The following EDN3 variants were observed in gnomAD, a reference collection of about 807,000 sequenced individuals.
EDN3 encodes the protein endothelin 3.
A neutral mutation model predicts 21.4 loss-of-function variants in EDN3; 9 were observed. The observed-to-expected ratio is 0.42, with a 90% CI of 0.25 to 0.73. The LOEUF (loss-of-function observed/expected upper bound fraction) is 0.73, where lower values mean the gene tolerates loss of function less well. Among genes scored for constraint, EDN3 ranks in the 30% least tolerant of loss-of-function variants. The pLI is 0.26. For synonymous variants in EDN3, 133 were observed against 126.2 expected (o/e 1.05, Z -0.36); for missense variants, 327 against 309.4 (o/e 1.06, Z -0.43).
intron 4 of EDN3, among the ~76,000 whole-genome samples, chr20:59,323,180 T>C (rs1212089275): frequency 6.6e-6 from 1 of 152,102 alleles, no homozygotes; most frequent in African/African-American, 2.4e-5. Flanking sequence ...GCAGATCGCT[T>C]CTAGTCTAGT....
chr20:59,306,990 C>CA (rs1989476691), intron 2 of EDN3, among the ~76,000 whole-genome samples: 1 of 152,088 alleles, frequency 6.6e-6, no homozygotes, highest in Non-Finnish European at 1.5e-5. Flanking sequence ...ACTAAAAATA[C>CA]AAAAAATAGC....
chr20:59,313,651 C>T (rs1466769000), intron 2 of EDN3, among the ~76,000 whole-genome samples: 2 of 152,216 alleles, frequency 1.3e-5, no homozygotes, highest in Non-Finnish European at 2.9e-5. Flanking sequence ...GGGAGATGGA[C>T]TTCCCACCTT....
rs1334873340 is a variant in EDN3, at chr20:59,322,305, T to C, written c.543-67T>C. ...TTGGTGGGGAAGAGGAAGTCATAAT[T>C]TGACACCGAAAAACCAGCCACAGGG... is the stretch of plus-strand genomic sequence containing the variant. On this transcript the variant is annotated intron_variant, in intron 3 of 4. Transcript: ENST00000337938. The surrounding 1 kb of genome is among the most constrained non-coding windows in gnomAD (Gnocchi z 4.1). The C allele has an allele frequency of 1.9e-6, 3 of 1,583,038 alleles. No homozygotes were observed. Among genetic ancestry groups the C allele is most frequent in the Admixed American group, 1.7e-5 (1 of 59,924 alleles).
intron 2 of EDN3, among the ~76,000 whole-genome samples, chr20:59,312,661 T>C (rs950980552): frequency 6.6e-6 from 1 of 152,212 alleles, no homozygotes; most frequent in African/African-American, 2.4e-5. Flanking sequence ...TGGGAACCAC[T>C]TATCTTGGGT....
chr20:59,324,872 G>A lies in EDN3; in HGVS notation c.*413G>A, dbSNP rs1019071595. 3 of 311,242 alleles carry A rather than the reference G, an allele frequency of 9.6e-6. No individual in the cohort carries two copies. Among genetic ancestry groups the A allele is most frequent in the African/African-American group, 4.3e-5 (2 of 46,512 alleles). The allele number at this position is 311,242 out of a possible 1,614,324, so 19.3% of individuals were successfully genotyped here. A position where few individuals can be genotyped will look rare whatever the true frequency, so the allele number is the denominator to read the frequency against. On this transcript the variant is annotated 3_prime_UTR_variant, in exon 5 of 5. Transcript: ENST00000337938. ...AAATGCCCGTGCAGCAGAAGCATGC[G>A]ACTTTCATATCCTTGCCTAGAATAG...
At chr20:59,303,612 C>G (rs1989196492) in intron 2 of EDN3, among the ~76,000 whole-genome samples, 1 of 152,140 alleles carries the variant, frequency 6.6e-6, no homozygotes, top group South Asian at 2.1e-4. Flanking sequence ...GCCTGTTTAC[C>G]AAACCCCGGA....
rs1990810036 is a variant in EDN3 at position 59,325,863 on chromosome 20, T to C, written c.*1404T>C. 6.6e-6 allele frequency: 1 copy of C among 152,238 alleles called. No homozygotes were observed. Among genetic ancestry groups the C allele is most frequent in the Non-Finnish European group, 1.5e-5 (1 of 68,046 alleles). The allele number at this position is 152,238 out of a possible 1,614,324, so 9.4% of individuals were successfully genotyped here. A position where few individuals can be genotyped will look rare whatever the true frequency, so the allele number is the denominator to read the frequency against. The stretch of plus-strand genomic sequence containing the variant: ...AAACTCATACTCCTTAGAGCTTGAA[T>C]TACATTTTTAAAATGCATATGTGCT... On this transcript the variant is annotated 3_prime_UTR_variant, in exon 5 of 5. Coordinates refer to ENST00000337938, the MANE Select transcript of EDN3 (RefSeq NM_207034.3).
chr20:59,316,189 C>T (rs560437349), intron 2 of EDN3, among the ~76,000 whole-genome samples: 4 of 152,096 alleles, frequency 2.6e-5, no homozygotes, highest in African/African-American at 7.2e-5. Context: ...TGTCTCAAAA[C>T]GAAAACAAAA....
intron 2 of EDN3, 80 bp downstream of exon 2, chr20:59,301,802 A>G: frequency 6.7e-7 from 1 of 1,495,784 alleles, no homozygotes; most frequent in South Asian, 1.1e-5. Context: ...ACCTCACTCC[A>G]CCCCAGCCCC....
rs540480592 is a variant in EDN3 at position 59,323,231 on chromosome 20, G to A, written c.588+814G>A. Reference sequence around the variant, plus strand: ...TCAGCAACCATAATAAAAATGGAGCGGGAGGAGGAGGGCCGAGGCGGAAGA... The same window carrying A: ...TCAGCAACCATAATAAAAATGGAGCAGGAGGAGGAGGGCCGAGGCGGAAGA... On this transcript the variant is annotated intron_variant, in intron 4 of 4. Transcript: ENST00000337938. Among the ~76,000 whole-genome samples, 9 of 152,260 alleles carry A rather than the reference G, an allele frequency of 5.9e-5. No homozygotes were observed. The East Asian group carries it at 1.3e-3, about 23-fold the overall frequency.
chr20:59,319,755 AAAAAG>A (rs1197475773), intron 2 of EDN3, among the ~76,000 whole-genome samples: 9 of 152,052 alleles, frequency 5.9e-5, no homozygotes, highest in East Asian at 1.9e-4. Flanking sequence ...AAAAAAAGAA[AAAAAG>A]AAAAGAAAAG....
At chr20:59,312,708 C>G (rs928481876) in intron 2 of EDN3, among the ~76,000 whole-genome samples, 6 of 152,164 alleles carry the variant, frequency 3.9e-5, no homozygotes, top group African/African-American at 1.4e-4. Flanking sequence ...GGTGTTAGCG[C>G]TGGGGCAAAG....
chr20:59,322,141 C>A lies in EDN3; in HGVS notation c.543-231C>A, dbSNP rs982021212. On this transcript the variant is annotated intron_variant, in intron 3 of 4. Coordinates refer to ENST00000337938, the MANE Select transcript of EDN3 (RefSeq NM_207034.3). The surrounding 1 kb of genome is among the most constrained non-coding windows in gnomAD (Gnocchi z 4.1). ...GTGTGAACTGCATGGTTTTTCCCCC[C>A]TTCTGGGCTTTTAAACATCCGATGA... is the stretch of plus-strand genomic sequence containing the variant. 6.6e-6 allele frequency among the ~76,000 whole-genome samples: 1 copy of A among 152,200 alleles called. No homozygotes were observed. The highest frequency in any genetic ancestry group is 3.2e-3 in the Middle Eastern group (1 of 316).
At chr20:59,309,074 C>T (rs1408000615) in intron 2 of EDN3, among the ~76,000 whole-genome samples, 1 of 152,186 alleles carries the variant, frequency 6.6e-6, no homozygotes, top group South Asian at 2.1e-4. Context: ...TCAGTCCCGC[C>T]CTTCCAGCCC....
chr20:59,301,753 G>C, intron 2 of EDN3, 31 bp downstream of exon 2: 1 of 1,611,794 alleles, frequency 6.2e-7, no homozygotes, highest in South Asian at 1.1e-5. Context: ...GAGGAACGTG[G>C]CTCCCGGACC....
rs1989045386 is a variant in EDN3 at position 59,301,649 on chromosome 20, A to G, written c.292A>G (p.Thr98Ala). 1.9e-6 allele frequency: 3 copies of G among 1,614,190 alleles called. No individual in the cohort carries two copies. The highest frequency in any genetic ancestry group is 2.5e-6 in the Non-Finnish European group (3 of 1,180,020). Reference sequence around the variant, plus strand: ...TGAGCACCACCGATCCAGGCGCTGCACGTGCTTCACCTACAAGGACAAGGA... The same window carrying G: ...TGAGCACCACCGATCCAGGCGCTGCGCGTGCTTCACCTACAAGGACAAGGA... ...APEHHRSRRC[T>A]CFTYKDKECV... The change falls in exon 2 of 5, where the codon ACG becomes GCG. Residue 98 changes from threonine (T) to alanine (A), a missense_variant. Physicochemically the swap from Thr to Ala is moderately conservative, Grantham distance 58. Coordinates refer to ENST00000337938, the MANE Select transcript of EDN3 (RefSeq NM_207034.3).
rs374180061 is a variant in EDN3, at chr20:59,324,314, C to T, written c.589-17C>T. 3 of 1,613,452 alleles carry T rather than the reference C, an allele frequency of 1.9e-6. No homozygotes were observed. The highest frequency in any genetic ancestry group is 1.3e-5 in the African/African-American group (1 of 74,794). ...TACCTTTCTTTTTTTTTCTTTTGCCCCCTTTCCCCAAGACAGGTTGAAGTC... is the reference window on the plus strand; with the variant it reads ...TACCTTTCTTTTTTTTTCTTTTGCCTCCTTTCCCCAAGACAGGTTGAAGTC... On this transcript the variant is annotated splice_polypyrimidine_tract_variant and intron_variant, in intron 4 of 4. Transcript: ENST00000337938.
At chr20:59,311,399 A>G (rs1989801265) in intron 2 of EDN3, among the ~76,000 whole-genome samples, 1 of 152,168 alleles carries the variant, frequency 6.6e-6, no homozygotes, top group African/African-American at 2.4e-5. Flanking sequence ...GGGCTGCTTG[A>G]TTGAGTATAC....
intron 4 of EDN3, chr20:59,323,839 C>A (rs1031355477): frequency 4.2e-6 from 2 of 479,822 alleles, no homozygotes; most frequent in African/African-American, 3.9e-5. Flanking sequence ...TATTACTGTT[C>A]TATGTCACAT....
Sources: allele counts gnomAD v4.1 joint callset (sites outside exome capture counted in the v4.1 genomes callset), GRCh38; gene constraint gnomAD v4.1.1; non-coding constraint Gnocchi (gnomAD v3.1); transcripts MANE v1.5; gene names NCBI Gene and HGNC (gene_info 2026-07-23, HGNC 2026-07-21).